Variants in GMEB2 observed in about 807,000 individuals in gnomAD.
GMEB2 encodes the protein glucocorticoid modulatory element binding protein 2.
In GMEB2, 7 loss-of-function variants were observed where a neutral mutation model predicts 45.7. The ratio of observed to expected loss-of-function variants is 0.15; its 90% CI spans 0.09 to 0.29. The LOEUF (loss-of-function observed/expected upper bound fraction) is 0.29, where lower values mean the gene tolerates loss of function less well. Among genes scored for constraint, GMEB2 ranks in the 10% least tolerant of loss-of-function variants. The pLI, the probability that GMEB2 is intolerant of heterozygous loss-of-function variation, is 1.00. For synonymous variants in GMEB2, 322 were observed against 323.6 expected (o/e 1.00, Z 0.05); for missense variants, 582 against 739.2 (o/e 0.79, Z 2.47).
intron 2 of GMEB2, among the ~76,000 whole-genome samples, chr20:63,609,068 A>T (rs1200253317): frequency 1.1e-5 from 1 of 87,008 alleles, no homozygotes. Flanking sequence ...CATGCCCCTG[A>T]CCCCACACCT....
At chr20:63,604,049 G>C (rs1362574923) in intron 3 of GMEB2, among the ~76,000 whole-genome samples, 2 of 84,858 alleles carry the variant, frequency 2.4e-5, no homozygotes, top group African/African-American at 8.5e-5. Context: ...GTGAGACTCC[G>C]TCTCAAAAAA....
At chr20:63,600,960 C>A (rs2083237629) in intron 4 of GMEB2, among the ~76,000 whole-genome samples, 1 of 152,072 alleles carries the variant, frequency 6.6e-6, no homozygotes, top group Non-Finnish European at 1.5e-5. Flanking sequence ...GAAGATGGAT[C>A]GCTGGGTTAA....
chr20:63,625,148 G>A (rs1188468691), intron 1 of GMEB2, among the ~76,000 whole-genome samples: 2 of 152,096 alleles, frequency 1.3e-5, no homozygotes, highest in African/African-American at 4.8e-5. Flanking sequence ...GCCTTCCCAA[G>A]GGCGAGCACC....
intron 5 of GMEB2, among the ~76,000 whole-genome samples, 198 bp from the exon 6 acceptor site, chr20:63,595,965 G>A (rs994742915): frequency 6.6e-6 from 1 of 152,212 alleles, no homozygotes; most frequent in African/African-American, 2.4e-5. Flanking sequence ...AGAAGCAGCC[G>A]GCCCAGGCCC....
chr20:63,613,372 G>A (rs573182402), intron 2 of GMEB2, among the ~76,000 whole-genome samples: 20 of 152,334 alleles, frequency 1.3e-4, no homozygotes, highest in African/African-American at 4.6e-4. Context: ...CAGCCTCCAG[G>A]GCACTGCGCC....
Position 63,590,066 on chromosome 20 carries a change from C to G in GMEB2, c.*23G>C. The G allele has an allele frequency of 6.7e-7, 1 of 1,495,940 alleles. No individual in the cohort carries two copies. Among genetic ancestry groups the G allele is most frequent in the Non-Finnish European group, 8.9e-7 (1 of 1,125,930 alleles). 92.7% of individuals were successfully genotyped at this position (1,495,940 alleles called of 1,614,324 possible). Reference sequence around the variant, plus strand: ...GAGAGACAGCCAGCCCTGTCCGTCCCAGGGGCCTCGCCCTCCTGTCGGCTA... The same window carrying G: ...GAGAGACAGCCAGCCCTGTCCGTCCGAGGGGCCTCGCCCTCCTGTCGGCTA... On this transcript the variant is annotated 3_prime_UTR_variant, in exon 10 of 10. Transcript: ENST00000370077.
chr20:63,600,904 G>C (rs1019022902), intron 4 of GMEB2, among the ~76,000 whole-genome samples: 3 of 152,040 alleles, frequency 2.0e-5, no homozygotes, highest in Non-Finnish European at 4.4e-5. Context: ...CCTGCTCACT[G>C]CATCAGGAGG....
At chr20:63,607,384 T>C (rs867863973) in intron 2 of GMEB2, among the ~76,000 whole-genome samples, 1 of 25,504 alleles carries the variant, frequency 3.9e-5, no homozygotes, top group South Asian at 1.0e-3. Context: ...CCTCCATTTC[T>C]AGAAACATGC....
chr20:63,604,599 C>G (rs1470408928), intron 3 of GMEB2, 144 bp downstream of exon 3: 1 of 615,862 alleles, frequency 1.6e-6, no homozygotes, highest in Non-Finnish European at 2.9e-6. Context: ...GGGGCCTGGC[C>G]TCTCACTCCT....
In GMEB2 at chr20:63,627,023, G is replaced by C; in HGVS notation, c.-125C>G. On this transcript the variant is annotated 5_prime_UTR_variant, in exon 1 of 10. Transcript: ENST00000370077. ...CGGCGTCGGGAGCTGCGGCGGCGGC[G>C]GGCGGCGGCGGCGGCCGCGGGCTTC... 2 of 150,316 alleles carry C rather than the reference G, an allele frequency of 1.3e-5. No homozygotes were observed. The highest frequency in any genetic ancestry group is 2.9e-5 in the Non-Finnish European group (2 of 68,398). The allele number at this position is 150,316 out of a possible 1,614,324, so 9.3% of individuals were successfully genotyped here. A position where few individuals can be genotyped will look rare whatever the true frequency, so the allele number is the denominator to read the frequency against.
intron 5 of GMEB2, among the ~76,000 whole-genome samples, chr20:63,596,222 AAG>A (rs374915501): frequency 1.3e-5 from 2 of 152,366 alleles, no homozygotes; most frequent in Non-Finnish European, 2.9e-5. Flanking sequence ...AGAGACAGCC[AAG>A]AAGAGTGATG....
chr20:63,603,572 T>C (rs1456411771), intron 3 of GMEB2, among the ~76,000 whole-genome samples: 3 of 150,986 alleles, frequency 2.0e-5, no homozygotes, highest in Non-Finnish European at 4.4e-5. Context: ...CTACTAAAAA[T>C]ACAAAAATTA....
At chr20:63,598,079 G>C (rs557651128) in intron 4 of GMEB2, among the ~76,000 whole-genome samples, 2 of 152,314 alleles carry the variant, frequency 1.3e-5, no homozygotes, top group Non-Finnish European at 2.9e-5. Context: ...CAGCCCTGAG[G>C]GGGCAGAGCT....
intron 3 of GMEB2, among the ~76,000 whole-genome samples, chr20:63,604,281 G>C (rs947804852): frequency 6.6e-6 from 1 of 151,968 alleles, no homozygotes; most frequent in African/African-American, 2.4e-5. Flanking sequence ...AGGAGGCTGA[G>C]GTAGGAGGAT....
intron 2 of GMEB2, among the ~76,000 whole-genome samples, chr20:63,612,405 T>C (rs2089577706): frequency 6.6e-6 from 1 of 152,074 alleles, no homozygotes; most frequent in Admixed American, 6.5e-5. Flanking sequence ...TTCACCAGTC[T>C]CTGGATCAAG....
At chr20:63,624,550 A>G (rs1473595491) in intron 1 of GMEB2, among the ~76,000 whole-genome samples, 1 of 152,230 alleles carries the variant, frequency 6.6e-6, no homozygotes, top group Non-Finnish European at 1.5e-5. Flanking sequence ...GGGTAAGCTC[A>G]GCAGGGGCAA....
chr20:63,617,016 T>C (rs1027995301), intron 2 of GMEB2, among the ~76,000 whole-genome samples: 2 of 150,558 alleles, frequency 1.3e-5, no homozygotes, highest in Admixed American at 1.3e-4. Context: ...ACTCTATCAC[T>C]CAGGTTGGAG....
At chr20:63,604,978 C>T (rs2089507508) in intron 2 of GMEB2, 138 bp from the exon 3 acceptor site, 7 of 619,916 alleles carry the variant, frequency 1.1e-5, no homozygotes, top group Non-Finnish European at 2.1e-5. Flanking sequence ...GGGCCGGGTG[C>T]GGTGGCTCAA....
At chr20:63,613,678 C>T (rs2089587064) in intron 2 of GMEB2, among the ~76,000 whole-genome samples, 1 of 152,106 alleles carries the variant, frequency 6.6e-6, no homozygotes, top group African/African-American at 2.4e-5. Context: ...CCACGCCTGG[C>T]TAATTTTTGT....
Sources: allele counts gnomAD v4.1 joint callset (sites outside exome capture counted in the v4.1 genomes callset), GRCh38; gene constraint gnomAD v4.1.1; transcripts MANE v1.5; gene names NCBI Gene and HGNC (gene_info 2026-07-23, HGNC 2026-07-21).